Variants in ZNF385D observed in about 807,000 individuals in gnomAD.
The protein encoded by ZNF385D is zinc finger protein 385D.
A neutral mutation model predicts 35.8 loss-of-function variants in ZNF385D; 15 were observed. That is an observed-to-expected ratio of 0.42 (90% confidence interval 0.28 to 0.64). The LOEUF (loss-of-function observed/expected upper bound fraction) is 0.64, where lower values mean the gene tolerates loss of function less well. Among genes scored for constraint, ZNF385D ranks in the 30% least tolerant of loss-of-function variants. The pLI is 0.23. For missense variants in ZNF385D, 474 were observed against 494.6 expected (o/e 0.96, Z 0.39); for synonymous variants, 212 against 186.8 (o/e 1.13, Z -1.10).
intron 2 of ZNF385D, among the ~76,000 whole-genome samples, chr3:22,306,345 T>A (rs1236718448): frequency 2.0e-5 from 3 of 151,958 alleles, no homozygotes; most frequent in Non-Finnish European, 4.4e-5. Flanking sequence ...AAAAAGTCTT[T>A]TTTTTTTCTT....
chr3:22,367,451 A>G (rs1696706604), intron 2 of ZNF385D, among the ~76,000 whole-genome samples: 1 of 152,174 alleles, frequency 6.6e-6, no homozygotes, highest in Admixed American at 6.5e-5. Context: ...AGTTACTGTG[A>G]ATGTAGAATT....
chr3:22,344,563 G>A (rs1327106899), intron 2 of ZNF385D, among the ~76,000 whole-genome samples: 2 of 149,616 alleles, frequency 1.3e-5, no homozygotes, highest in African/African-American at 5.1e-5. Context: ...CTCATTTTGG[G>A]GTTTTCTTTG....
At chr3:21,754,754 C>G (rs533479752), upstream of ZNF385D, among the ~76,000 whole-genome samples, 1 of 152,084 alleles carries the variant, frequency 6.6e-6, no homozygotes, top group East Asian at 1.9e-4. Flanking sequence ...TTTCTCCTCA[C>G]TGGAATATAA....
intron 2 of ZNF385D, among the ~76,000 whole-genome samples, chr3:21,637,381 T>A (rs1295761044): frequency 6.6e-6 from 1 of 152,106 alleles, no homozygotes; most frequent in Non-Finnish European, 1.5e-5. Flanking sequence ...TTTATGTTTT[T>A]GTTTGCTTTG....
intron 3 of ZNF385D, among the ~76,000 whole-genome samples, chr3:21,851,519 T>A (rs951800555): frequency 3.9e-5 from 6 of 152,058 alleles, no homozygotes; most frequent in African/African-American, 1.4e-4. Context: ...AAATCTCTCG[T>A]GTCCTTAAAT....
intron 3 of ZNF385D, among the ~76,000 whole-genome samples, chr3:22,071,492 T>C (rs76869291): frequency 0.035 from 5,279 of 152,302 alleles, 150 homozygotes; most frequent in Non-Finnish European, 0.055. Context: ...GATGATTAAA[T>C]CAACTACAAA....
At chr3:22,368,090 G>A (rs1696736954) in intron 2 of ZNF385D, among the ~76,000 whole-genome samples, 1 of 152,122 alleles carries the variant, frequency 6.6e-6, no homozygotes, top group Non-Finnish European at 1.5e-5. Flanking sequence ...GGCTTGTTTT[G>A]GTAGATATAT....
chr3:21,474,108 G>A (rs578003207), intron 4 of ZNF385D, among the ~76,000 whole-genome samples: 3 of 42,410 alleles, frequency 7.1e-5, no homozygotes, highest in African/African-American at 3.8e-4. Context: ...TCGAGAACAC[G>A]TGGAACAAAT....
chr3:21,759,847 G>A (rs1217461904), intron 3 of ZNF385D, among the ~76,000 whole-genome samples: 1 of 152,100 alleles, frequency 6.6e-6, no homozygotes, highest in Non-Finnish European at 1.5e-5. Flanking sequence ...GATGCTTTAG[G>A]TCATGAACAT....
chr3:21,890,851 A>G (rs1247218732), intron 3 of ZNF385D, among the ~76,000 whole-genome samples: 2 of 152,156 alleles, frequency 1.3e-5, no homozygotes, highest in Non-Finnish European at 1.5e-5. Context: ...GAAAACAGAC[A>G]CCATGAACTT....
At chr3:21,572,498 A>G (rs1196808059) in intron 2 of ZNF385D, among the ~76,000 whole-genome samples, 1 of 152,166 alleles carries the variant, frequency 6.6e-6, no homozygotes, top group African/African-American at 2.4e-5. Flanking sequence ...TTTAAAGTGA[A>G]GGACATAGGA....
chr3:21,786,939 A>G (rs1476702917), intron 3 of ZNF385D, among the ~76,000 whole-genome samples: 3 of 152,186 alleles, frequency 2.0e-5, no homozygotes. Flanking sequence ...AAAATTTTAT[A>G]TTTATTTAAA....
intron 3 of ZNF385D, among the ~76,000 whole-genome samples, chr3:21,991,757 C>CTGAA (rs1695164995): frequency 6.6e-6 from 1 of 152,172 alleles, no homozygotes; most frequent in Admixed American, 6.5e-5. Flanking sequence ...AAATGTCCAT[C>CTGAA]CTCTTCACTG....
At chr3:22,272,133 C>G (rs1028941487) in intron 2 of ZNF385D, among the ~76,000 whole-genome samples, 3 of 151,960 alleles carry the variant, frequency 2.0e-5, no homozygotes, top group Non-Finnish European at 1.5e-5. Flanking sequence ...ACTCTTGAGA[C>G]GACACTCAAG....
chr3:22,337,803 G>A (rs972942458), intron 2 of ZNF385D, among the ~76,000 whole-genome samples: 1 of 152,202 alleles, frequency 6.6e-6, no homozygotes, highest in Non-Finnish European at 1.5e-5. Flanking sequence ...AACCATGTTA[G>A]TTATACCTGT....
intron 3 of ZNF385D, among the ~76,000 whole-genome samples, chr3:21,789,737 A>T (rs569371175): frequency 5.3e-5 from 8 of 152,344 alleles, no homozygotes; most frequent in African/African-American, 1.4e-4. Context: ...CAAGGAAAGA[A>T]ATTAAATACT....
intron 6 of ZNF385D, among the ~76,000 whole-genome samples, chr3:21,425,180 A>G (rs1005053694): frequency 6.6e-6 from 1 of 152,260 alleles, no homozygotes; most frequent in Non-Finnish European, 1.5e-5. Context: ...AAAATCCGGT[A>G]GAGAAAAGAC....
At chr3:21,423,696 A>G (rs911255841) in intron 7 of ZNF385D, among the ~76,000 whole-genome samples, 51 of 152,336 alleles carry the variant, frequency 3.3e-4, no homozygotes, top group African/African-American at 1.1e-3. Context: ...TAAACACATT[A>G]AAAAAGATAT....
At chr3:21,502,494 T>C (rs1706454952) in intron 4 of ZNF385D, among the ~76,000 whole-genome samples, 1 of 152,196 alleles carries the variant, frequency 6.6e-6, no homozygotes, top group Admixed American at 6.5e-5. Context: ...AGCAGTTATA[T>C]ACATAATATA....
Sources: allele counts gnomAD v4.1 joint callset (sites outside exome capture counted in the v4.1 genomes callset), GRCh38; gene constraint gnomAD v4.1.1; transcripts MANE v1.5; gene names NCBI Gene and HGNC (gene_info 2026-07-23, HGNC 2026-07-21).